The following CACNG3 variants were observed in gnomAD, a reference collection of about 807,000 sequenced individuals.
CACNG3 encodes the protein voltage-dependent calcium channel gamma-3 subunit.
A neutral mutation model predicts 28.5 loss-of-function variants in CACNG3; 3 were observed. That is an observed-to-expected ratio of 0.11 (90% CI 0.05 to 0.27). The LOEUF is 0.27. CACNG3 is among the 10% of genes least tolerant of loss of function. The pLI, the probability that CACNG3 is intolerant of heterozygous loss-of-function variation, is 1.00. For missense variants in CACNG3, 236 were observed against 414.4 expected (o/e 0.57, Z 3.74); for synonymous variants, 174 against 162.2 (o/e 1.07, Z -0.55).
rs141684419 is a variant in CACNG3 at position 24,304,129 on chromosome 16, A to G, written c.212-42605A>G. ...GGCAGGACTGGATTAATAGCAAACTAAAACACGTGTTTTGGGCAAGAATAT... is the reference window on the plus strand; with the variant it reads ...GGCAGGACTGGATTAATAGCAAACTGAAACACGTGTTTTGGGCAAGAATAT... On this transcript the variant is annotated intron_variant, in intron 1 of 3. Transcript: ENST00000005284. Among the ~76,000 whole-genome samples the G allele has an allele frequency of 2.0e-5, 3 of 152,318 alleles. No individual in the cohort carries two copies. The East Asian group carries it at 5.8e-4, about 29-fold the overall frequency.
At chr16:24,272,150 T>A (rs770118912) in intron 1 of CACNG3, among the ~76,000 whole-genome samples, 13 of 152,142 alleles carry the variant, frequency 8.5e-5, no homozygotes, top group Non-Finnish European at 1.8e-4. Context: ...ATCCTGGATA[T>A]TTTATTGTTA....
At chr16:24,352,447 C>A (rs550687661) in intron 2 of CACNG3, among the ~76,000 whole-genome samples, 60 of 152,252 alleles carry the variant, frequency 3.9e-4, no homozygotes, top group African/African-American at 1.4e-3. Context: ...CTGAATCTGC[C>A]AGCGTGTTAC....
intron 2 of CACNG3, among the ~76,000 whole-genome samples, chr16:24,349,454 T>C (rs1899912501): frequency 6.6e-6 from 1 of 152,202 alleles, no homozygotes; most frequent in Non-Finnish European, 1.5e-5. Flanking sequence ...TAGTGTATTA[T>C]AGTTACTTCT....
intron 1 of CACNG3, among the ~76,000 whole-genome samples, chr16:24,343,509 G>A (rs181302552): frequency 9.5e-4 from 144 of 152,270 alleles, no homozygotes; most frequent in African/African-American, 1.1e-3. Context: ...CTGCCCAGGT[G>A]CCCCTGGGAC....
At chr16:24,303,417 C>T (rs1367995771) in intron 1 of CACNG3, among the ~76,000 whole-genome samples, 7 of 151,254 alleles carry the variant, frequency 4.6e-5, no homozygotes, top group Non-Finnish European at 8.8e-5. Flanking sequence ...CTTGAACTCC[C>T]GGACTCACGT....
intron 1 of CACNG3, among the ~76,000 whole-genome samples, chr16:24,292,840 C>T (rs1898982790): frequency 6.6e-6 from 1 of 152,080 alleles, no homozygotes. Context: ...TGAAAAATGA[C>T]ATGGATTAGG....
At chr16:24,313,556 C>T (rs979592958) in intron 1 of CACNG3, among the ~76,000 whole-genome samples, 7 of 152,148 alleles carry the variant, frequency 4.6e-5, no homozygotes, top group Admixed American at 1.3e-4. Flanking sequence ...ACGATCATAG[C>T]TCACTACAGC....
intron 1 of CACNG3, among the ~76,000 whole-genome samples, chr16:24,305,303 A>G (rs1899170193): frequency 6.7e-6 from 1 of 149,418 alleles, no homozygotes; most frequent in Non-Finnish European, 1.5e-5. Context: ...TATATATACA[A>G]ACTTATATAC....
At chr16:24,326,080 T>TG (rs900491002) in intron 1 of CACNG3, among the ~76,000 whole-genome samples, 10 of 152,082 alleles carry the variant, frequency 6.6e-5, no homozygotes, top group South Asian at 2.1e-4. Context: ...GTCTCCAACG[T>TG]GGGGGGGTTG....
At chr16:24,286,249 T>C (rs1009529893) in intron 1 of CACNG3, among the ~76,000 whole-genome samples, 6 of 152,300 alleles carry the variant, frequency 3.9e-5, no homozygotes, top group African/African-American at 1.2e-4. Context: ...TCTTATATAC[T>C]AGTGCTTTTA....
At chr16:24,260,858 G>A (rs1255915588) in intron 1 of CACNG3, among the ~76,000 whole-genome samples, 1 of 152,200 alleles carries the variant, frequency 6.6e-6, no homozygotes, top group Non-Finnish European at 1.5e-5. Context: ...CATTCACAAA[G>A]TAGAGCCCTA....
In CACNG3 at chr16:24,358,596, G is replaced by T. The variant is rs1338088080; in HGVS notation, c.437-2756G>T. On this transcript the variant is annotated intron_variant, in intron 3 of 3. Coordinates refer to ENST00000005284, the MANE Select transcript of CACNG3 (RefSeq NM_006539.4). ...AATCAGACTCTGGGCTGGGAGTTAC[G>T]GCCATAGCAATGAAGGAGATAAGCC... Among the ~76,000 whole-genome samples, 4 of 152,266 alleles carry T rather than the reference G, an allele frequency of 2.6e-5. No individual in the cohort carries two copies. In the South Asian group the frequency reaches 8.3e-4, roughly 32 times the overall value.
At chr16:24,257,846 T>G (rs536492738) in intron 1 of CACNG3, among the ~76,000 whole-genome samples, 19 of 152,298 alleles carry the variant, frequency 1.2e-4, no homozygotes, top group African/African-American at 4.6e-4. Context: ...TAAAGCCCTT[T>G]TGTAGCCTAT....
rs1567217516 is a variant in CACNG3, at chr16:24,317,624, A to AAGAAAGAAAGAC, written c.212-29107_212-29106insAAGAAAGACAGA. Reference sequence around the variant, plus strand: ...AAAGAAAGAAAGAAAGAAAGAAAGAAAGACAGACAGAAAGAAAGAAAAGAA... The same window carrying AAGAAAGAAAGAC: ...AAAGAAAGAAAGAAAGAAAGAAAGAAAGAAAGAAAGACAGACAGACAGAAAGAAAGAAAAGAA... On this transcript the variant is annotated intron_variant, in intron 1 of 3. Coordinates refer to ENST00000005284, the MANE Select transcript of CACNG3 (RefSeq NM_006539.4). Among the ~76,000 whole-genome samples the AAGAAAGAAAGAC allele has an allele frequency of 1.0e-3, 57 of 56,660 alleles. 5 individuals carry two copies. The highest frequency in any genetic ancestry group is 2.8e-3 in the South Asian group (5 of 1,808). 37.2% of individuals were successfully genotyped at this position (56,660 alleles called of 152,430 possible).
intron 1 of CACNG3, among the ~76,000 whole-genome samples, chr16:24,300,947 GC>G (rs1899100967): frequency 1.3e-5 from 2 of 151,832 alleles, no homozygotes; most frequent in East Asian, 1.9e-4. Flanking sequence ...TGCTCAGGAA[GC>G]AGGAGAGTCG....
chr16:24,283,229 T>G (rs1898852515), intron 1 of CACNG3, among the ~76,000 whole-genome samples: 1 of 152,150 alleles, frequency 6.6e-6, no homozygotes, highest in African/African-American at 2.4e-5. Flanking sequence ...TTCTAACTAT[T>G]CTGTCTCATT....
intron 1 of CACNG3, among the ~76,000 whole-genome samples, chr16:24,329,104 G>A (rs879789444): frequency 1.3e-5 from 2 of 152,188 alleles, no homozygotes; most frequent in Admixed American, 1.3e-4. Flanking sequence ...GAGCAGGGGT[G>A]GGGGAACCAC....
At chr16:24,320,678 C>T (rs896700540) in intron 1 of CACNG3, among the ~76,000 whole-genome samples, 1 of 152,072 alleles carries the variant, frequency 6.6e-6, no homozygotes, top group East Asian at 1.9e-4. Context: ...AACTAAGTTT[C>T]GAAAATATTA....
chr16:24,355,229 A>C (rs1430664603), intron 3 of CACNG3, among the ~76,000 whole-genome samples: 1 of 152,196 alleles, frequency 6.6e-6, no homozygotes, highest in African/African-American at 2.4e-5. Flanking sequence ...AGAGGGAAGA[A>C]GAAAGGGGCA....
Sources: gnomAD v4.1 joint callset for allele counts (sites outside exome capture counted in the v4.1 genomes callset) on GRCh38, gnomAD v4.1.1 for gene constraint, MANE v1.5 for transcripts, NCBI Gene and HGNC (gene_info 2026-07-23, HGNC 2026-07-21) for gene names.